WIPI2: variants seen among roughly 807,000 people sequenced by gnomAD.
The protein encoded by WIPI2 is WD repeat domain, phosphoinositide interacting 2.
A neutral mutation model predicts 52.3 loss-of-function variants in WIPI2; 28 were observed. The observed-to-expected ratio is 0.54, with a 90% CI of 0.40 to 0.73. WIPI2 has a LOEUF of 0.73. Among genes scored for constraint, WIPI2 ranks in the 30% least tolerant of loss-of-function variants. WIPI2 has a pLI of 0.00. For missense variants in WIPI2, 506 were observed against 602.9 expected (o/e 0.84, Z 1.68); for synonymous variants, 268 against 245.0 (o/e 1.09, Z -0.88).
At chr7:5,204,567 A>G (rs1324590151) in intron 3 of WIPI2, among the ~76,000 whole-genome samples, 1 of 152,254 alleles carries the variant, frequency 6.6e-6, no homozygotes, top group African/African-American at 2.4e-5. Flanking sequence ...CTAGCAATAT[A>G]TAAAAGTAGG....
chr7:5,208,929 C>T (rs935430222), intron 3 of WIPI2, among the ~76,000 whole-genome samples: 6 of 151,236 alleles, frequency 4.0e-5, no homozygotes, highest in African/African-American at 1.5e-4. Flanking sequence ...AGGGTTGATA[C>T]GTTAATAATA....
intron 11 of WIPI2, 118 bp from the exon 12 acceptor site, chr7:5,229,490 C>T: frequency 1.6e-6 from 2 of 1,277,986 alleles, no homozygotes; most frequent in Non-Finnish European, 2.1e-6. Flanking sequence ...TGATGAATGC[C>T]TGGCGTCCTG....
In WIPI2 at chr7:5,232,628, A is replaced by C; in HGVS notation, c.*1681A>C. The C allele has an allele frequency of 3.7e-6, 1 of 273,940 alleles. No individual in the cohort carries two copies. The highest frequency in any genetic ancestry group is 6.8e-6 in the Non-Finnish European group (1 of 147,272). The allele number at this position is 273,940 out of a possible 1,614,324, so 17.0% of individuals were successfully genotyped here. A position where few individuals can be genotyped will look rare whatever the true frequency, so the allele number is the denominator to read the frequency against. On this transcript the variant is annotated 3_prime_UTR_variant, in exon 13 of 13. Coordinates refer to ENST00000288828, the MANE Select transcript of WIPI2 (RefSeq NM_015610.4). ...CAGGGATGAGAAGGGCCGCGGCAGCACGCAGCCTTGACCCACGCCTGCGTC... is the reference window on the plus strand; with the variant it reads ...CAGGGATGAGAAGGGCCGCGGCAGCCCGCAGCCTTGACCCACGCCTGCGTC...
At chr7:5,218,084 C>G (rs938122049) in intron 7 of WIPI2, 70 bp downstream of exon 7, 7 of 1,527,494 alleles carry the variant, frequency 4.6e-6, no homozygotes, top group Non-Finnish European at 6.4e-6. Context: ...TCTGTTCACA[C>G]AGCCACCTTA....
Position 5,222,639 on chromosome 7 carries a change from A to G in WIPI2, c.707A>G (p.Gln236Arg), listed in dbSNP as rs1335775255. 1.9e-6 allele frequency: 3 copies of G among 1,613,968 alleles called. No homozygotes were observed. Among genetic ancestry groups the G allele is most frequent in the African/African-American group, 1.3e-5 (1 of 74,944 alleles). Reference sequence around the variant, plus strand: ...AGGGTATTTTCCATTCCAGAAGGACAAAAACTCTTTGAGTTTCGGAGAGGA... The same window carrying G: ...AGGGTATTTTCCATTCCAGAAGGACGAAAACTCTTTGAGTTTCGGAGAGGA... The part of the protein sequence containing the change: ...VIRVFSIPEG[Q>R]KLFEFRRGVK... Residue 236 changes from glutamine (Q) to arginine (R), a missense_variant, in exon 8 of 13, where the codon CAA (glutamine) becomes CGA (arginine). Around this residue, in one of 4 missense-constraint regions of WIPI2, gnomAD observed 237 missense variants for 346.9 expected, o/e 0.68. Coordinates refer to ENST00000288828, the MANE Select transcript of WIPI2 (RefSeq NM_015610.4).
At chr7:5,208,260 G>T (rs1782386498) in intron 3 of WIPI2, among the ~76,000 whole-genome samples, 1 of 151,980 alleles carries the variant, frequency 6.6e-6, no homozygotes, top group African/African-American at 2.4e-5. Flanking sequence ...TTTAGGTTTG[G>T]TTGTTTATCT....
Position 5,227,517 on chromosome 7 carries a change from G to A in WIPI2, c.1013+173G>A, listed in dbSNP as rs554205562. ...TCCCCTGGCAGGCACTAGGCTTGCC[G>A]CTCTGTGCGGGGGTCCATTTCCAGA... On this transcript the variant is annotated intron_variant, in intron 10 of 12. Coordinates refer to ENST00000288828, the MANE Select transcript of WIPI2 (RefSeq NM_015610.4). The surrounding 1 kb of genome is among the most constrained non-coding windows in gnomAD (Gnocchi z 8.1). Among the ~76,000 whole-genome samples, 7 of 152,300 alleles carry A rather than the reference G, an allele frequency of 4.6e-5. No homozygotes were observed. Among genetic ancestry groups the A allele is most frequent in the Admixed American group, 2.6e-4 (4 of 15,304 alleles).
intron 7 of WIPI2, among the ~76,000 whole-genome samples, chr7:5,221,207 T>C (rs1386288792): frequency 6.6e-6 from 1 of 151,784 alleles, no homozygotes; most frequent in Non-Finnish European, 1.5e-5. Context: ...AGGTGACCAC[T>C]CACCTCGGGC....
intron 1 of WIPI2, 28 bp downstream of exon 1, chr7:5,190,521 G>C: frequency 6.8e-7 from 1 of 1,481,368 alleles, no homozygotes; most frequent in Non-Finnish European, 9.0e-7. Context: ...GGTCGGAGTC[G>C]GGGTGAGGCC....
At chr7:5,193,482 G>T in intron 2 of WIPI2, 1 of 520,368 alleles carries the variant, frequency 1.9e-6, no homozygotes, top group Non-Finnish European at 3.0e-6. Context: ...GAAACCTGTT[G>T]TTTTCTTCCA....
intron 3 of WIPI2, among the ~76,000 whole-genome samples, chr7:5,206,254 G>A (rs1782290966): frequency 6.6e-6 from 1 of 152,192 alleles, no homozygotes; most frequent in Non-Finnish European, 1.5e-5. Flanking sequence ...AAGGGGCTGG[G>A]AAGGATGCTT....
rs1246297962 is a variant in WIPI2 at position 5,217,432 on chromosome 7, G to A, written c.576+245G>A. ...TGATCCTCCTGCCTCAGCCTCCCGA[G>A]GAGTTACAGTCATGCAACACCACAC... is the stretch of plus-strand genomic sequence containing the variant. On this transcript the variant is annotated intron_variant, in intron 6 of 12. Transcript: ENST00000288828. 6 of 495,210 alleles carry A rather than the reference G, an allele frequency of 1.2e-5. No individual in the cohort carries two copies. In the Admixed American group the frequency reaches 1.3e-4, roughly 11 times the overall value. 30.7% of individuals were successfully genotyped at this position (495,210 alleles called of 1,614,324 possible). A position where few individuals can be genotyped will look rare whatever the true frequency, so the allele number is the denominator to read the frequency against.
intron 4 of WIPI2, among the ~76,000 whole-genome samples, chr7:5,214,948 C>T (rs1562398132): frequency 6.6e-6 from 1 of 152,232 alleles, no homozygotes; most frequent in Non-Finnish European, 1.5e-5. Flanking sequence ...GTCCCCGGCC[C>T]CACCCAGAGG....
intron 1 of WIPI2, among the ~76,000 whole-genome samples, chr7:5,191,614 G>C (rs1055520259): frequency 6.6e-6 from 1 of 152,172 alleles, no homozygotes; most frequent in African/African-American, 2.4e-5. Context: ...TTTCTGGAGA[G>C]AGAAGGGTGA....
intron 2 of WIPI2, among the ~76,000 whole-genome samples, chr7:5,196,613 A>G (rs1474529698): frequency 1.3e-5 from 2 of 151,976 alleles, no homozygotes; most frequent in South Asian, 2.1e-4. Flanking sequence ...GTCTAACCCA[A>G]GGATCAGGGA....
At chr7:5,191,110 C>T (rs1453773827) in intron 1 of WIPI2, among the ~76,000 whole-genome samples, 2 of 152,118 alleles carry the variant, frequency 1.3e-5, no homozygotes, top group Admixed American at 1.3e-4. Context: ...ACCTCCGCCT[C>T]CTGGGTTCAA....
chr7:5,229,632 C>T lies in WIPI2; in HGVS notation c.1146C>T (p.Thr382=), dbSNP rs149481715. The part of the protein sequence containing the change: ...QHRLDGSLET[T]NEILDSASHD... The stretch of plus-strand genomic sequence containing the variant: ...GGCTGGACGGCAGTCTGGAAACGAC[C>T]AATGAGATCTTGGACTCTGCCTCTC... The change falls in exon 12 of 13, where the codon ACC becomes ACT. Residue 382 remains threonine, a synonymous_variant. Transcript: ENST00000288828. 3.7e-6 allele frequency: 6 copies of T among 1,613,758 alleles called. No individual in the cohort carries two copies. The East Asian group carries it at 1.3e-4, about 36-fold the overall frequency.
At chr7:5,225,302 A>G (rs58612269) in intron 8 of WIPI2, among the ~76,000 whole-genome samples, 33,159 of 151,876 alleles carry the variant, frequency 0.22, 4,349 homozygotes, top group Admixed American at 0.41. Flanking sequence ...CACCACGCCC[A>G]GCTAATTTTT....
chr7:5,209,256 G>A (rs910196397), intron 3 of WIPI2, among the ~76,000 whole-genome samples: 28 of 152,140 alleles, frequency 1.8e-4, no homozygotes, highest in Non-Finnish European at 7.4e-5. Flanking sequence ...GCTGTTTGAT[G>A]TCTTGCTTTC....
Sources: allele counts gnomAD v4.1 joint callset (sites outside exome capture counted in the v4.1 genomes callset), GRCh38; gene constraint gnomAD v4.1.1; regional missense constraint gnomAD v4.1.1; non-coding constraint Gnocchi (gnomAD v3.1); transcripts MANE v1.5; gene names NCBI Gene and HGNC (gene_info 2026-07-23, HGNC 2026-07-21).